Variants in XRCC4 observed in about 807,000 individuals in gnomAD.
XRCC4 encodes DNA repair protein XRCC4.
In XRCC4, 28 loss-of-function variants were observed where a neutral mutation model predicts 39.1. The observed-to-expected ratio is 0.72, with a 90% CI of 0.53 to 0.98. XRCC4 has a LOEUF of 0.98. XRCC4 is among the 50% of genes least tolerant of loss of function. XRCC4 has a pLI of 0.00. For synonymous variants in XRCC4, 123 were observed against 126.4 expected, an observed-to-expected ratio of 0.97 and a Z score of 0.18; for missense variants, 350 against 376.4, an observed-to-expected ratio of 0.93 and a Z score of 0.58.
intron 7 of XRCC4, among the ~76,000 whole-genome samples, chr5:83,283,363 T>C (rs2112959200): frequency 6.6e-6 from 1 of 152,340 alleles, no homozygotes; most frequent in East Asian, 1.9e-4. Context: ...ATAAAATGTA[T>C]ATTCATAATT....
At chr5:83,127,768 T>C (rs1458567745) in intron 3 of XRCC4, among the ~76,000 whole-genome samples, 2 of 152,074 alleles carry the variant, frequency 1.3e-5, no homozygotes, top group Non-Finnish European at 2.9e-5. Flanking sequence ...ATATTCCTTA[T>C]CATGTGAGTC....
chr5:83,134,750 T>A (rs1394316912), intron 3 of XRCC4, among the ~76,000 whole-genome samples: 2 of 152,206 alleles, frequency 1.3e-5, no homozygotes, highest in African/African-American at 4.8e-5. Flanking sequence ...ATCTTGCTGC[T>A]GCTCACTCTT....
chr5:83,103,109 G>A (rs1746030184), intron 1 of XRCC4, among the ~76,000 whole-genome samples: 1 of 149,278 alleles, frequency 6.7e-6, no homozygotes, highest in Admixed American at 6.7e-5. Context: ...AAAACTCTGT[G>A]CCACCATGAA....
At chr5:83,140,384 A>T (rs1748109081) in intron 3 of XRCC4, among the ~76,000 whole-genome samples, 1 of 152,228 alleles carries the variant, frequency 6.6e-6, no homozygotes, top group Non-Finnish European at 1.5e-5. Flanking sequence ...CATCCAGCAC[A>T]GGAGAAAGAT....
chr5:83,308,145 G>T (rs1057221927), intron 7 of XRCC4, among the ~76,000 whole-genome samples: 1 of 152,114 alleles, frequency 6.6e-6, no homozygotes, highest in Non-Finnish European at 1.5e-5. Flanking sequence ...TGTTTTGCTT[G>T]TTAGAAGATA....
At chr5:83,295,479 A>G (rs1237271855) in intron 7 of XRCC4, among the ~76,000 whole-genome samples, 2 of 152,092 alleles carry the variant, frequency 1.3e-5, no homozygotes, top group Admixed American at 6.6e-5. Flanking sequence ...GATATGTGCT[A>G]TGAGGGAAAC....
intron 3 of XRCC4, among the ~76,000 whole-genome samples, chr5:83,156,404 T>A (rs972630311): frequency 6.6e-6 from 1 of 151,804 alleles, no homozygotes; most frequent in Non-Finnish European, 1.5e-5. Flanking sequence ...ATGGATATAA[T>A]GAGTTTTGAA....
intron 3 of XRCC4, among the ~76,000 whole-genome samples, chr5:83,155,791 T>G (rs1432663246): frequency 6.6e-6 from 1 of 152,130 alleles, no homozygotes; most frequent in Non-Finnish European, 1.5e-5. Flanking sequence ...CTAAAAAAAC[T>G]GTATTTAAAA....
chr5:83,160,819 CCCTTCTT>C (rs1277125420), intron 3 of XRCC4, among the ~76,000 whole-genome samples: 1 of 152,028 alleles, frequency 6.6e-6, no homozygotes, highest in African/African-American at 2.4e-5. Flanking sequence ...CCCCGCCACC[CCCTTCTT>C]TTAAGCTTTT....
chr5:83,210,564 A>G (rs1751603202), intron 6 of XRCC4, among the ~76,000 whole-genome samples: 1 of 152,168 alleles, frequency 6.6e-6, no homozygotes, highest in Non-Finnish European at 1.5e-5. Context: ...ATAATAATTA[A>G]CCACATTAGC....
chr5:83,111,257 G>A, intron 3 of XRCC4, 54 bp downstream of exon 3: 3 of 1,404,110 alleles, frequency 2.1e-6, no homozygotes, highest in South Asian at 2.9e-5. Context: ...CATTTATTGA[G>A]GAATTATATT....
chr5:83,356,695 C>T (rs745562625), downstream of XRCC4: 1 of 453,896 alleles, frequency 2.2e-6, no homozygotes, highest in South Asian at 1.6e-5. Context: ...TATTCCATAC[C>T]ACGTTTTCTC....
At chr5:83,366,915 C>T in the XRCC4 span, among the ~76,000 whole-genome samples, 9 of 152,160 alleles carry the variant, frequency 5.9e-5, no homozygotes, top group South Asian at 4.2e-4. Context: ...TTCCTTGCCC[C>T]GATTAGTTAT....
intron 3 of XRCC4, among the ~76,000 whole-genome samples, chr5:83,145,249 G>GT (rs1395792246): frequency 6.6e-6 from 1 of 152,078 alleles, no homozygotes; most frequent in African/African-American, 2.4e-5. Context: ...AAAAATCCTT[G>GT]TCTGCTAATT....
intron 3 of XRCC4, among the ~76,000 whole-genome samples, chr5:83,137,761 G>A (rs1348228662): frequency 1.3e-5 from 2 of 152,178 alleles, no homozygotes; most frequent in East Asian, 1.9e-4. Flanking sequence ...GTGTGTATGT[G>A]TGTTTATTCT....
chr5:83,201,463 A>G (rs72767189), intron 4 of XRCC4: 11,673 of 152,258 alleles, frequency 0.077, 847 homozygotes, highest in African/African-American at 0.19. Flanking sequence ...GGAAGAATTA[A>G]GGGTGGCCAG....
intron 1 of XRCC4, among the ~76,000 whole-genome samples, chr5:83,080,680 C>G (rs374085730): frequency 1.0e-3 from 158 of 152,228 alleles, no homozygotes; most frequent in South Asian, 1.9e-3. Context: ...AGCTTCCTGC[C>G]TTTTAGTTGC....
At chr5:83,165,876 CTTTTTTCTTTCTT>C (rs1749443384) in intron 3 of XRCC4, among the ~76,000 whole-genome samples, 1 of 142,372 alleles carries the variant, frequency 7.0e-6, no homozygotes, top group African/African-American at 2.7e-5. Context: ...TTTTTCTTTT[CTTTTTTCTTTCTT>C]TTTTTTTTTT....
intron 3 of XRCC4, 49 bp downstream of exon 3, chr5:83,111,252 A>G: frequency 7.0e-7 from 1 of 1,430,220 alleles, no homozygotes; most frequent in Non-Finnish European, 9.4e-7. Context: ...CAGAGCATTT[A>G]TTGAGGAATT....
Sources: allele counts gnomAD v4.1 joint callset (sites outside exome capture counted in the v4.1 genomes callset), GRCh38; gene constraint gnomAD v4.1.1; transcripts MANE v1.5; gene names NCBI Gene and HGNC (gene_info 2026-07-23, HGNC 2026-07-21).